UNC13C: variants seen among roughly 807,000 people sequenced by gnomAD.
The protein encoded by UNC13C is protein unc-13 homolog C.
In UNC13C, 174 loss-of-function variants were observed where a neutral mutation model predicts 245.4. The observed-to-expected ratio is 0.71, with a 90% confidence interval of 0.63 to 0.80. The LOEUF is 0.80. Ranked by LOEUF, UNC13C falls within the 30% of genes least tolerant of loss-of-function variation. The probability of loss-of-function intolerance (pLI) is 0.00; values close to 1 mark genes in which losing one functional copy is unlikely to be tolerated. For synonymous variants in UNC13C, 992 were observed against 895.1 expected, an observed-to-expected ratio of 1.11 and a Z score of -1.93; for missense variants, 2,829 against 2,602.9, an observed-to-expected ratio of 1.09 and a Z score of -1.89.
chr15:53,897,490 G>T, the UNC13C span, among the ~76,000 whole-genome samples: 1 of 152,072 alleles, frequency 6.6e-6, no homozygotes, highest in Non-Finnish European at 1.5e-5. Context: ...ATGTTGTCTA[G>T]GCTAGTCTTG....
intron 18 of UNC13C, among the ~76,000 whole-genome samples, chr15:54,406,814 T>C (rs1335274761): frequency 6.6e-6 from 1 of 152,188 alleles, no homozygotes; most frequent in East Asian, 1.9e-4. Context: ...AATTCTGCCT[T>C]GAATACAACA....
the UNC13C span, among the ~76,000 whole-genome samples, chr15:53,892,332 T>C: frequency 6.6e-6 from 1 of 152,196 alleles, no homozygotes; most frequent in Non-Finnish European, 1.5e-5. Flanking sequence ...TCAACCTTGG[T>C]GAATCTGATG....
chr15:54,104,196 T>C lies in UNC13C; in HGVS notation c.2984-38822T>C, dbSNP rs192585939. ...TTCCTGGGACTTCTGTTAGCACTCA[T>C]TCTAGGAATTCCCTTCATTGTCCTT... On this transcript the variant is annotated intron_variant, in intron 2 of 32. Transcript: ENST00000260323. Among the ~76,000 whole-genome samples the C allele has an allele frequency of 2.4e-3, 370 of 152,364 alleles. 2 individuals carry two copies. Among genetic ancestry groups the C allele is most frequent in the African/African-American group, 8.6e-3 (359 of 41,592 alleles).
the UNC13C span, among the ~76,000 whole-genome samples, chr15:53,960,152 C>G: frequency 1.2e-4 from 18 of 152,098 alleles, no homozygotes; most frequent in African/African-American, 4.3e-4. Flanking sequence ...TTGAATCTGA[C>G]TGGAATGAGA....
the UNC13C span, among the ~76,000 whole-genome samples, chr15:53,969,941 A>C: frequency 1.6e-4 from 25 of 152,258 alleles, no homozygotes; most frequent in African/African-American, 5.8e-4. Context: ...AGATATCTAA[A>C]ATAACTAGAA....
Position 54,012,930 on chromosome 15 carries a change from G to T in UNC13C, c.27G>T (p.Leu9Phe), listed in dbSNP as rs867437380. 2 of 1,604,814 alleles carry T rather than the reference G, an allele frequency of 1.2e-6. No individual in the cohort carries two copies. Among genetic ancestry groups the T allele is most frequent in the South Asian group, 1.1e-5 (1 of 89,856 alleles). Residue 9 changes from leucine to phenylalanine, a missense_variant, in exon 2 of 33, where the codon TTG (leucine) becomes TTT (phenylalanine). Coordinates refer to ENST00000260323, the MANE Select transcript of UNC13C (RefSeq NM_001080534.3). ...TGGTGGCTAATTTTTTCAAGAGCTT[G>T]ATTTTACCTTACATTCATAAGCTTT... MVANFFKS[L>F]ILPYIHKLCK...
chr15:53,938,987 T>TA, the UNC13C span, among the ~76,000 whole-genome samples: 1 of 151,098 alleles, frequency 6.6e-6, no homozygotes, highest in African/African-American at 2.4e-5. Flanking sequence ...AGACAAGAAA[T>TA]AATCAGGATC....
intron 3 of UNC13C, 99 bp from the exon 4 acceptor site, chr15:54,143,521 G>A (rs568032176): frequency 3.7e-5 from 31 of 840,694 alleles, no homozygotes; most frequent in Non-Finnish European, 5.6e-5. Context: ...TAGGTGTTAC[G>A]TGTGTAGTGC....
intron 19 of UNC13C, among the ~76,000 whole-genome samples, chr15:54,469,028 C>G (rs1163228809): frequency 6.6e-6 from 1 of 151,540 alleles, no homozygotes; most frequent in African/African-American, 2.4e-5. Flanking sequence ...GATTTTAGCA[C>G]TATGGACATT....
Position 54,353,209 on chromosome 15 carries a change from TA to T in UNC13C, c.4713+14727del, listed in dbSNP as rs550047673. On this transcript the variant is annotated intron_variant, in intron 17 of 32. Transcript: ENST00000260323. ...GGACTCTAGCCAGAGAGGTAGACATTAAAAAAATTATTAGACCAATAACTGA... is the reference window on the plus strand; with the variant it reads ...GGACTCTAGCCAGAGAGGTAGACATTAAAAAATTATTAGACCAATAACTGA... 6.2e-4 allele frequency among the ~76,000 whole-genome samples: 95 copies of T among 152,158 alleles called. 1 individual carries two copies. The South Asian group carries it at 0.017, about 27-fold the overall frequency.
At chr15:54,197,170 A>T (rs528352639) in intron 4 of UNC13C, among the ~76,000 whole-genome samples, 1 of 152,280 alleles carries the variant, frequency 6.6e-6, no homozygotes, top group East Asian at 1.9e-4. Context: ...CTTCAAACAA[A>T]TTATTAGTTT....
chr15:53,898,469 G>A, the UNC13C span, among the ~76,000 whole-genome samples: 13 of 151,338 alleles, frequency 8.6e-5, no homozygotes, highest in Non-Finnish European at 1.9e-4. Flanking sequence ...TCTCCTAATA[G>A]CTATATTCTT....
intron 13 of UNC13C, among the ~76,000 whole-genome samples, chr15:54,303,717 C>A (rs1022628619): frequency 6.6e-6 from 1 of 150,954 alleles, no homozygotes; most frequent in African/African-American, 2.4e-5. Flanking sequence ...TTCCTGACGA[C>A]ATGTGCCCAA....
chr15:54,248,270 A>T (rs2036049001), intron 7 of UNC13C, among the ~76,000 whole-genome samples: 1 of 152,084 alleles, frequency 6.6e-6, no homozygotes, highest in African/African-American at 2.4e-5. Flanking sequence ...CAAGTATATA[A>T]ATTAGTTCCC....
intron 4 of UNC13C, among the ~76,000 whole-genome samples, chr15:54,200,541 G>A (rs561820357): frequency 6.6e-5 from 10 of 151,910 alleles, no homozygotes; most frequent in Non-Finnish European, 1.3e-4. Flanking sequence ...GTGCAAATAC[G>A]TGGAAATGAA....
intron 19 of UNC13C, among the ~76,000 whole-genome samples, chr15:54,433,592 TAA>T (rs772056688): frequency 4.6e-5 from 7 of 152,082 alleles, no homozygotes; most frequent in Non-Finnish European, 1.0e-4. Context: ...CTCAAAATAA[TAA>T]GAGCTATTTA....
At chr15:54,501,856 G>A (rs746622655) in intron 22 of UNC13C, among the ~76,000 whole-genome samples, 3 of 152,128 alleles carry the variant, frequency 2.0e-5, no homozygotes, top group Non-Finnish European at 4.4e-5. Context: ...AGCTGAGACT[G>A]ACATGGGAAG....
intron 1 of UNC13C, among the ~76,000 whole-genome samples, chr15:53,990,551 G>A (rs868432530): frequency 9.9e-5 from 15 of 151,912 alleles, no homozygotes; most frequent in South Asian, 2.1e-4. Context: ...TTTATTTTTC[G>A]GTAGTGATAG....
the UNC13C span, among the ~76,000 whole-genome samples, chr15:53,882,066 T>A: frequency 6.6e-6 from 1 of 152,202 alleles, no homozygotes; most frequent in Non-Finnish European, 1.5e-5. Context: ...GAAATTAACC[T>A]CTAAAATGCT....
Sources: gnomAD v4.1 joint callset for allele counts (sites outside exome capture counted in the v4.1 genomes callset) on GRCh38, gnomAD v4.1.1 for gene constraint, MANE v1.5 for transcripts, NCBI Gene and HGNC (gene_info 2026-07-23, HGNC 2026-07-21) for gene names.